The following PRKCA variants were observed in gnomAD, a reference collection of about 807,000 sequenced individuals.
The protein encoded by PRKCA is protein kinase C alpha type.
PRKCA carries 27 observed loss-of-function variants against 87.0 expected under a neutral mutation model. The observed-to-expected ratio is 0.31, with a 90% CI of 0.23 to 0.43. The LOEUF (loss-of-function observed/expected upper bound fraction) is 0.43, where lower values mean the gene tolerates loss of function less well. Among genes scored for constraint, PRKCA ranks in the 20% least tolerant of loss-of-function variants. The probability of loss-of-function intolerance (pLI) is 1.00; values close to 1 mark genes in which losing one functional copy is unlikely to be tolerated. For synonymous variants in PRKCA, 329 were observed against 311.1 expected, an observed-to-expected ratio of 1.06 and a Z score of -0.61; for missense variants, 518 against 852.3, an observed-to-expected ratio of 0.61 and a Z score of 4.88.
chr17:66,758,603 C>A (rs538029186), intron 13 of PRKCA, among the ~76,000 whole-genome samples: 1 of 152,284 alleles, frequency 6.6e-6, no homozygotes, highest in African/African-American at 2.4e-5. Context: ...CCAAGGCCAG[C>A]AAGAAGCTCA....
intron 2 of PRKCA, among the ~76,000 whole-genome samples, chr17:66,401,697 A>G (rs1911040090): frequency 6.6e-6 from 1 of 152,198 alleles, no homozygotes; most frequent in Admixed American, 6.5e-5. Context: ...AACCTGCCAA[A>G]TACTTAAAAA....
chr17:66,713,353 T>C (rs558567497), intron 8 of PRKCA, among the ~76,000 whole-genome samples: 4 of 152,072 alleles, frequency 2.6e-5, no homozygotes, highest in East Asian at 1.9e-4. Context: ...TCCGACCTCA[T>C]TGTGCTTTCT....
chr17:66,351,642 T>C lies in PRKCA; in HGVS notation c.205+45515T>C, dbSNP rs76045185. Among the ~76,000 whole-genome samples, 336 of 152,362 alleles carry C rather than the reference T, an allele frequency of 2.2e-3. 1 individual carries two copies. Among genetic ancestry groups the C allele is most frequent in the African/African-American group, 7.7e-3 (320 of 41,598 alleles). ...GCTATAAGCTATTCTCCTGGGGTTA[T>C]AAATCATTAAATATTAACTTTTTAA... On this transcript the variant is annotated intron_variant, in intron 2 of 16. Transcript: ENST00000413366.
At chr17:66,662,839 C>A (rs1168189965) in intron 5 of PRKCA, among the ~76,000 whole-genome samples, 1 of 152,098 alleles carries the variant, frequency 6.6e-6, no homozygotes, top group Non-Finnish European at 1.5e-5. Context: ...TCTCTCTCTC[C>A]AAACACCGTA....
intron 16 of PRKCA, chr17:66,796,364 C>T: frequency 4.5e-6 from 4 of 885,186 alleles, no homozygotes; most frequent in Non-Finnish European, 4.1e-6. Context: ...GCATTCTTTG[C>T]GTGTCCATTC....
intron 2 of PRKCA, among the ~76,000 whole-genome samples, chr17:66,451,592 G>C (rs187188468): frequency 1.3e-5 from 2 of 152,230 alleles, no homozygotes; most frequent in Non-Finnish European, 1.5e-5. Flanking sequence ...GGTTGACCGG[G>C]TATTTTGGAG....
chr17:66,738,722 C>G, intron 10 of PRKCA, 42 bp from the exon 11 acceptor site: 1 of 1,541,180 alleles, frequency 6.5e-7, no homozygotes, highest in South Asian at 1.1e-5. Context: ...AGCCACTTGG[C>G]TGGGGAGGAG....
At chr17:66,531,640 T>G (rs545487833) in intron 3 of PRKCA, among the ~76,000 whole-genome samples, 16 of 152,312 alleles carry the variant, frequency 1.1e-4, no homozygotes, top group Non-Finnish European at 2.1e-4. Context: ...ACTGATGTTT[T>G]TACAAATCAC....
chr17:66,330,823 G>C (rs1294188944), intron 2 of PRKCA, among the ~76,000 whole-genome samples: 1 of 152,222 alleles, frequency 6.6e-6, no homozygotes, highest in African/African-American at 2.4e-5. Context: ...GAGTGAAGCT[G>C]ATAGTAATGA....
intron 3 of PRKCA, among the ~76,000 whole-genome samples, chr17:66,516,108 A>G (rs1170491287): frequency 2.0e-5 from 3 of 152,220 alleles, no homozygotes; most frequent in Admixed American, 2.0e-4. Flanking sequence ...CTCAGTATTC[A>G]TTAAAGCAGC....
In PRKCA at chr17:66,743,834, G is replaced by A. The variant is rs2144240965; in HGVS notation, c.1524+1074G>A. On this transcript the variant is annotated intron_variant, in intron 13 of 16. Coordinates refer to ENST00000413366, the MANE Select transcript of PRKCA (RefSeq NM_002737.3). ...ATGCATTTATCTCAGAGACAGTAGG[G>A]ATAGTGAAAAAGGCACCCACAAGCT... Among the ~76,000 whole-genome samples the A allele has an allele frequency of 2.6e-5, 4 of 152,296 alleles. No homozygotes were observed. The South Asian group carries it at 8.3e-4, about 32-fold the overall frequency.
chr17:66,627,822 T>C (rs545825949), intron 3 of PRKCA, among the ~76,000 whole-genome samples: 16 of 152,286 alleles, frequency 1.1e-4, no homozygotes, highest in Non-Finnish European at 1.9e-4. Context: ...CCCAAAAAAT[T>C]GAACCTTCAT....
intron 3 of PRKCA, among the ~76,000 whole-genome samples, chr17:66,521,092 GC>G (rs1381359632): frequency 6.6e-6 from 1 of 151,766 alleles, no homozygotes; most frequent in Admixed American, 6.6e-5. Context: ...AAACCAAACT[GC>G]AGCTCCAACT....
At chr17:66,317,467 CT>C (rs1905382801) in intron 2 of PRKCA, among the ~76,000 whole-genome samples, 1 of 152,172 alleles carries the variant, frequency 6.6e-6, no homozygotes, top group Non-Finnish European at 1.5e-5. Context: ...GGAACAGAAG[CT>C]AAGTAGGCTG....
chr17:66,623,667 A>G (rs758832058), intron 3 of PRKCA, among the ~76,000 whole-genome samples: 1 of 152,190 alleles, frequency 6.6e-6, no homozygotes, highest in Non-Finnish European at 1.5e-5. Context: ...TTTACATTTT[A>G]AAGAAAAAGT....
intron 2 of PRKCA, among the ~76,000 whole-genome samples, chr17:66,461,174 C>A: frequency 6.8e-6 from 1 of 147,856 alleles, no homozygotes; most frequent in South Asian, 2.2e-4. Flanking sequence ...TCACTGCACT[C>A]CAGGCTGGGT....
At chr17:66,796,355 C>A in intron 16 of PRKCA, 1 of 841,550 alleles carries the variant, frequency 1.2e-6, no homozygotes, top group Non-Finnish European at 1.4e-6. Context: ...GGGTTTATAG[C>A]ATTCTTTGCG....
At chr17:66,573,517 G>T (rs1470848279) in intron 3 of PRKCA, among the ~76,000 whole-genome samples, 2 of 152,168 alleles carry the variant, frequency 1.3e-5, no homozygotes, top group Non-Finnish European at 1.5e-5. Flanking sequence ...AGTTGGAAAA[G>T]TGTCTGTTTT....
chr17:66,319,887 G>A (rs1162719307), intron 2 of PRKCA, among the ~76,000 whole-genome samples: 3 of 152,068 alleles, frequency 2.0e-5, no homozygotes, highest in Admixed American at 1.3e-4. Context: ...GATTACAGGC[G>A]CCTGCCACCA....
Sources: gnomAD v4.1 joint callset for allele counts (sites outside exome capture counted in the v4.1 genomes callset) on GRCh38, gnomAD v4.1.1 for gene constraint, MANE v1.5 for transcripts, NCBI Gene and HGNC (gene_info 2026-07-23, HGNC 2026-07-21) for gene names.